The following ZBTB26 variants were observed in gnomAD, a reference collection of about 807,000 sequenced individuals.
ZBTB26 encodes the protein zinc finger and BTB domain-containing protein 26.
ZBTB26 carries 12 observed loss-of-function variants against 31.6 expected under a neutral mutation model. The ratio of observed to expected loss-of-function variants is 0.38; its 90% CI spans 0.24 to 0.61. The LOEUF is 0.61. Among genes scored for constraint, ZBTB26 ranks in the 20% least tolerant of loss-of-function variants. The pLI is 0.60. For missense variants in ZBTB26, 311 were observed against 521.9 expected (o/e 0.60, Z 3.94); for synonymous variants, 155 against 182.9 (o/e 0.85, Z 1.23).
chr9:122,922,689 G>T (rs921654028), intron 1 of ZBTB26, among the ~76,000 whole-genome samples: 9 of 152,198 alleles, frequency 5.9e-5, no homozygotes, highest in Non-Finnish European at 2.9e-5. Context: ...AAGAACTGTT[G>T]TTAGGAAGAC....
Position 122,917,569 on chromosome 9 carries a change from A to T in ZBTB26, c.*1040T>A, listed in dbSNP as rs1368437392. On this transcript the variant is annotated 3_prime_UTR_variant, in exon 2 of 2. Transcript: ENST00000373656. The stretch of plus-strand genomic sequence containing the variant: ...ACCTTTAAGAGGTATCTGAATACAG[A>T]AATTTGATTGCCCCTTCTGTGTCCA... 6.6e-6 allele frequency: 1 copy of T among 150,778 alleles called. No homozygotes were observed. Among genetic ancestry groups the T allele is most frequent in the African/African-American group, 2.4e-5 (1 of 41,358 alleles). 9.3% of individuals were successfully genotyped at this position (150,778 alleles called of 1,614,324 possible).
intron 1 of ZBTB26, among the ~76,000 whole-genome samples, chr9:122,925,504 C>T (rs565325394): frequency 1.4e-4 from 22 of 152,252 alleles, no homozygotes; most frequent in Admixed American, 7.8e-4. Flanking sequence ...TAAACCCCAA[C>T]GGAGGTTGAA....
intron 1 of ZBTB26, among the ~76,000 whole-genome samples, chr9:122,922,036 G>A (rs1275836123): frequency 2.6e-5 from 4 of 151,538 alleles, no homozygotes; most frequent in African/African-American, 7.3e-5. Flanking sequence ...TCAGGAGTTC[G>A]AGACTAGCCT....
intron 1 of ZBTB26, among the ~76,000 whole-genome samples, chr9:122,923,025 AAC>A (rs2131538285): frequency 6.6e-6 from 1 of 152,104 alleles, no homozygotes; most frequent in Non-Finnish European, 1.5e-5. Context: ...CTCTACTAAA[AAC>A]ACAAAAAATT....
intron 1 of ZBTB26, among the ~76,000 whole-genome samples, chr9:122,928,127 G>A (rs913849826): frequency 6.6e-6 from 1 of 152,140 alleles, no homozygotes; most frequent in Non-Finnish European, 1.5e-5. Flanking sequence ...GAACCGCTGT[G>A]CCCGGCCCCT....
In ZBTB26 at chr9:122,919,953, CA is replaced by C. The variant is rs767048726; in HGVS notation, c.-10-10del. 3.2e-6 allele frequency: 5 copies of C among 1,540,032 alleles called. No individual in the cohort carries two copies. The highest frequency in any genetic ancestry group is 2.2e-5 in the Admixed American group (1 of 46,256). Reference sequence around the variant, plus strand: ...CAGACATTTTGGCAGACCTAAAGAACAGAAATGTAAAAAGGTTGAATTTAAG... The same window carrying C: ...CAGACATTTTGGCAGACCTAAAGAACGAAATGTAAAAAGGTTGAATTTAAG... On this transcript the variant is annotated splice_polypyrimidine_tract_variant and intron_variant, in intron 1 of 1. Transcript: ENST00000373656. This position sits in a 1 kb window ranked among gnomAD's most constrained non-coding sequence, Gnocchi z 6.1.
rs748698493 is a variant in ZBTB26, at chr9:122,919,026, G to A, written c.909C>T (p.Cys303=). ...TGCCTTTCTGAGTGAAAGTCTTGCC[G>A]CAGAGTAGACACATAAAGAGTTTGT... ...KMHKLFMCLL[C]GKTFTQKGNL... The change falls in exon 2 of 2, where the codon TGC becomes TGT. Residue 303 remains cysteine, a synonymous_variant. Transcript: ENST00000373656. The surrounding 1 kb of genome is among the most constrained non-coding windows in gnomAD (Gnocchi z 6.1). 8 of 1,614,082 alleles carry A rather than the reference G, an allele frequency of 5.0e-6. No homozygotes were observed. Among genetic ancestry groups the A allele is most frequent in the East Asian group, 2.2e-5 (1 of 44,890 alleles).
At chr9:122,922,831 G>A (rs1833120079) in intron 1 of ZBTB26, among the ~76,000 whole-genome samples, 1 of 152,206 alleles carries the variant, frequency 6.6e-6, no homozygotes, top group South Asian at 2.1e-4. Context: ...TGGATATAGA[G>A]AATGAATAAA....
intron 1 of ZBTB26, among the ~76,000 whole-genome samples, chr9:122,924,615 C>CTTTTTTTTT (rs1554778683): frequency 1.1e-4 from 1 of 9,366 alleles, no homozygotes. Flanking sequence ...CAAATTTCAA[C>CTTTTTTTTT]TTTCTTTTTT....
chr9:122,924,305 T>G (rs753313247), intron 1 of ZBTB26, among the ~76,000 whole-genome samples: 1 of 152,246 alleles, frequency 6.6e-6, no homozygotes, highest in African/African-American at 2.4e-5. Flanking sequence ...CCCACTCTAT[T>G]GTCTCTCTCT....
chr9:122,926,400 G>T (rs987252668), intron 1 of ZBTB26, among the ~76,000 whole-genome samples: 7 of 151,660 alleles, frequency 4.6e-5, no homozygotes, highest in Non-Finnish European at 1.0e-4. Flanking sequence ...CTAGCTACTC[G>T]GGAGGCTGAG....
intron 1 of ZBTB26, among the ~76,000 whole-genome samples, chr9:122,925,544 G>A (rs1833164276): frequency 1.3e-5 from 2 of 152,222 alleles, no homozygotes; most frequent in East Asian, 3.9e-4. Context: ...GGAACTGGTG[G>A]TTTACACTGC....
Position 122,919,212 on chromosome 9 carries a change from G to A in ZBTB26, c.723C>T (p.Ala241=). 1 of 1,614,154 alleles carries A rather than the reference G, an allele frequency of 6.2e-7. No individual in the cohort carries two copies. Among genetic ancestry groups the A allele is most frequent in the South Asian group, 1.1e-5 (1 of 91,088 alleles). ...TGTTATCACTGCCTGTATAAGAAAGGGCATAATTGTGGAGATGGTTTTGTT... is the reference window on the plus strand; with the variant it reads ...TGTTATCACTGCCTGTATAAGAAAGAGCATAATTGTGGAGATGGTTTTGTT... ...EIEQNHLHNY[A]LSYTGSDNII... Residue 241 remains alanine, a synonymous_variant, in exon 2 of 2, where the codon GCC becomes GCT. Coordinates refer to ENST00000373656, the MANE Select transcript of ZBTB26 (RefSeq NM_020924.4). The surrounding 1 kb of genome is among the most constrained non-coding windows in gnomAD (Gnocchi z 6.1).
chr9:122,923,961 T>C (rs1345268887), intron 1 of ZBTB26, among the ~76,000 whole-genome samples: 1 of 152,240 alleles, frequency 6.6e-6, no homozygotes, highest in African/African-American at 2.4e-5. Flanking sequence ...TTCAGTATAG[T>C]AACATGTGGT....
chr9:122,927,880 G>A (rs1013780697), intron 1 of ZBTB26, among the ~76,000 whole-genome samples: 1 of 151,950 alleles, frequency 6.6e-6, no homozygotes, highest in African/African-American at 2.4e-5. Context: ...CTGTTGCCCA[G>A]GCTTGAGTGC....
At chr9:122,928,138 C>G (rs1833211930) in intron 1 of ZBTB26, among the ~76,000 whole-genome samples, 1 of 152,120 alleles carries the variant, frequency 6.6e-6, no homozygotes, top group South Asian at 2.1e-4. Context: ...CCCGGCCCCT[C>G]CTGGCATTTT....
At chr9:122,924,592 G>A (rs1054092182) in intron 1 of ZBTB26, among the ~76,000 whole-genome samples, 1 of 148,550 alleles carries the variant, frequency 6.7e-6, no homozygotes, top group Non-Finnish European at 1.5e-5. Context: ...AAATAGTTTT[G>A]GCAATATAAA....
intron 1 of ZBTB26, among the ~76,000 whole-genome samples, chr9:122,920,173 G>A (rs943472138): frequency 3.9e-5 from 6 of 152,176 alleles, no homozygotes; most frequent in African/African-American, 1.2e-4. Context: ...TTGTATTTGT[G>A]TAAATAGCTT....
chr9:122,926,953 A>T (rs985330534), intron 1 of ZBTB26, among the ~76,000 whole-genome samples: 4 of 152,220 alleles, frequency 2.6e-5, no homozygotes, highest in East Asian at 3.8e-4. Context: ...TAATCATAAA[A>T]ATCACTCAGA....
Sources: gnomAD v4.1 joint callset for allele counts (sites outside exome capture counted in the v4.1 genomes callset) on GRCh38, gnomAD v4.1.1 for gene constraint, Gnocchi (gnomAD v3.1) non-coding constraint, MANE v1.5 for transcripts, NCBI Gene and HGNC (gene_info 2026-07-23, HGNC 2026-07-21) for gene names.